RIMBP2: variants seen among roughly 807,000 people sequenced by gnomAD.
RIMBP2 encodes the protein RIMS-binding protein 2.
RIMBP2 carries 48 observed loss-of-function variants against 118.6 expected under a neutral mutation model. The observed-to-expected ratio is 0.40, with a 90% CI of 0.32 to 0.51. The LOEUF is 0.51. Among genes scored for constraint, RIMBP2 ranks in the 20% least tolerant of loss-of-function variants. RIMBP2 has a pLI of 0.41. For missense variants in RIMBP2, 1,551 were observed against 1,768.3 expected (o/e 0.88, Z 2.20); for synonymous variants, 762 against 742.9 (o/e 1.03, Z -0.42).
intron 1 of RIMBP2, among the ~76,000 whole-genome samples, chr12:130,680,560 C>T (rs1382884182): frequency 2.0e-5 from 3 of 152,334 alleles, no homozygotes; most frequent in South Asian, 4.1e-4. Flanking sequence ...ACACAAGACA[C>T]CGACATCACT....
intron 22 of RIMBP2, 123 bp downstream of exon 22, chr12:130,399,553 GAAA>G: frequency 8.9e-7 from 1 of 1,120,046 alleles, no homozygotes; most frequent in South Asian, 1.7e-5. Context: ...TCAGGGCAGA[GAAA>G]AAAAATTCAG....
intron 2 of RIMBP2, among the ~76,000 whole-genome samples, chr12:130,569,195 G>A (rs1051387274): frequency 7.9e-5 from 12 of 152,182 alleles, no homozygotes; most frequent in African/African-American, 2.2e-4. Context: ...AGCCTCATCC[G>A]GCTCTAAGTG....
At chr12:130,568,689 C>G (rs2057411539) in intron 2 of RIMBP2, among the ~76,000 whole-genome samples, 1 of 152,234 alleles carries the variant, frequency 6.6e-6, no homozygotes, top group Admixed American at 6.5e-5. Context: ...AAATGCTTTG[C>G]TTTGAGACAT....
intron 1 of RIMBP2, among the ~76,000 whole-genome samples, chr12:130,651,633 G>A (rs1315499480): frequency 1.3e-5 from 2 of 152,238 alleles, no homozygotes; most frequent in Non-Finnish European, 2.9e-5. Flanking sequence ...GGTGGGATCT[G>A]GAAACACCCT....
rs548798215 is a variant in RIMBP2, at chr12:130,664,592, G to A, written c.-351-36136C>T. Reference sequence around the variant, plus strand: ...AGATCTTGATTTCTAAATATCACTCGCCACCCAGAGAAGCACGGGCTCCTT... The same window carrying A: ...AGATCTTGATTTCTAAATATCACTCACCACCCAGAGAAGCACGGGCTCCTT... On this transcript the variant is annotated intron_variant, in intron 1 of 22. Transcript: ENST00000690449. Among the ~76,000 whole-genome samples, 16 of 151,548 alleles carry A rather than the reference G, an allele frequency of 1.1e-4. No individual in the cohort carries two copies. The East Asian group carries it at 2.3e-3, about 22-fold the overall frequency.
intron 2 of RIMBP2, among the ~76,000 whole-genome samples, chr12:130,605,236 A>G (rs1032246458): frequency 2.0e-5 from 3 of 152,184 alleles, no homozygotes; most frequent in Non-Finnish European, 4.4e-5. Context: ...CTGGGAGTGG[A>G]GGGTGGGTAG....
At chr12:130,605,822 G>A (rs2060148417) in intron 2 of RIMBP2, among the ~76,000 whole-genome samples, 1 of 152,176 alleles carries the variant, frequency 6.6e-6, no homozygotes, top group Non-Finnish European at 1.5e-5. Flanking sequence ...CCAGCACTTT[G>A]GGAGGCCGAG....
chr12:130,647,469 C>G, intron 1 of RIMBP2, among the ~76,000 whole-genome samples: 1 of 137,822 alleles, frequency 7.3e-6, no homozygotes, highest in South Asian at 2.2e-4. Context: ...ATCATCACAT[C>G]TGTCTCTGGG....
At chr12:130,673,553 G>A (rs2064297359) in intron 1 of RIMBP2, among the ~76,000 whole-genome samples, 1 of 152,210 alleles carries the variant, frequency 6.6e-6, no homozygotes, top group South Asian at 2.1e-4. Flanking sequence ...AGAAGGCCAG[G>A]TGGGCGTGCC....
In RIMBP2 at chr12:130,475,887, G is replaced by A. The variant is rs546695310; in HGVS notation, c.102+3025C>T. Among the ~76,000 whole-genome samples, 6 of 152,024 alleles carry A rather than the reference G, an allele frequency of 3.9e-5. No individual in the cohort carries two copies. Among genetic ancestry groups the A allele is most frequent in the Non-Finnish European group, 5.9e-5 (4 of 68,024 alleles). ...AGGGGAGTTCTGTGTGGGACGTGGCGTCCGAGGCCCCCCAAGCAGTGGTGT... is the reference window on the plus strand; with the variant it reads ...AGGGGAGTTCTGTGTGGGACGTGGCATCCGAGGCCCCCCAAGCAGTGGTGT... On this transcript the variant is annotated intron_variant, in intron 5 of 22. Coordinates refer to ENST00000690449, the MANE Select transcript of RIMBP2 (RefSeq NM_001393629.1). This position sits in a 1 kb window ranked among gnomAD's most constrained non-coding sequence, Gnocchi z 4.1.
intron 2 of RIMBP2, among the ~76,000 whole-genome samples, chr12:130,624,832 C>T (rs2061524227): frequency 6.6e-6 from 1 of 152,204 alleles, no homozygotes; most frequent in South Asian, 2.1e-4. Flanking sequence ...TCAAGCAATT[C>T]TCCTGCCTCA....
At chr12:130,449,284 G>A (rs2078795348) in intron 9 of RIMBP2, among the ~76,000 whole-genome samples, 1 of 152,268 alleles carries the variant, frequency 6.6e-6, no homozygotes, top group African/African-American at 2.4e-5. Context: ...AGAGTTGGCT[G>A]CAGCTTGCTT....
intron 1 of RIMBP2, among the ~76,000 whole-genome samples, chr12:130,646,523 G>A (rs1276861529): frequency 6.6e-6 from 1 of 151,990 alleles, no homozygotes; most frequent in African/African-American, 2.4e-5. Context: ...ATGGCCCTCT[G>A]CTCCCATTTC....
At chr12:130,554,450 T>C (rs775221987) in intron 2 of RIMBP2, among the ~76,000 whole-genome samples, 2 of 152,186 alleles carry the variant, frequency 1.3e-5, no homozygotes, top group Non-Finnish European at 2.9e-5. Flanking sequence ...TGAAACCTCA[T>C]GTTTGTGGTT....
At chr12:130,438,033 G>A (rs1022341889) in intron 12 of RIMBP2, among the ~76,000 whole-genome samples, 5 of 152,204 alleles carry the variant, frequency 3.3e-5, no homozygotes, top group African/African-American at 4.8e-5. Context: ...TCGGCCATGG[G>A]TATCATCGTG....
intron 2 of RIMBP2, among the ~76,000 whole-genome samples, chr12:130,573,404 G>A (rs1054795052): frequency 1.3e-5 from 2 of 151,156 alleles, no homozygotes; most frequent in Non-Finnish European, 2.9e-5. Context: ...GTGTGTGTGC[G>A]ACTGTGTGCG....
intron 1 of RIMBP2, among the ~76,000 whole-genome samples, chr12:130,669,964 A>T (rs2064124805): frequency 6.6e-6 from 1 of 152,168 alleles, no homozygotes; most frequent in Admixed American, 6.5e-5. Context: ...CTTATTTGGA[A>T]AAGAAGCTTT....
At chr12:130,696,545 T>C (rs2065585154) in intron 1 of RIMBP2, among the ~76,000 whole-genome samples, 1 of 152,242 alleles carries the variant, frequency 6.6e-6, no homozygotes, top group African/African-American at 2.4e-5. Context: ...CAGAAGGATA[T>C]GAATTTCTAG....
intron 2 of RIMBP2, among the ~76,000 whole-genome samples, chr12:130,555,775 G>A (rs2056289551): frequency 6.6e-6 from 1 of 152,206 alleles, no homozygotes; most frequent in Non-Finnish European, 1.5e-5. Flanking sequence ...TAGTGCAAAA[G>A]CCAGTTGCAT....
Sources: allele counts gnomAD v4.1 joint callset (sites outside exome capture counted in the v4.1 genomes callset), GRCh38; gene constraint gnomAD v4.1.1; non-coding constraint Gnocchi (gnomAD v3.1); transcripts MANE v1.5; gene names NCBI Gene and HGNC (gene_info 2026-07-23, HGNC 2026-07-21).